Variants in CSMD3 observed in about 807,000 individuals in gnomAD.
CSMD3 encodes CUB and Sushi multiple domains 3.
CSMD3 carries 177 observed loss-of-function variants against 435.2 expected under a neutral mutation model. That is an observed-to-expected ratio of 0.41 (90% CI 0.36 to 0.46). CSMD3 has a LOEUF of 0.46. CSMD3 is among the 20% of genes least tolerant of loss of function. CSMD3 has a pLI of 0.34. For synonymous variants in CSMD3, 1,656 were observed against 1,520.5 expected (o/e 1.09, Z -2.07); for missense variants, 4,265 against 4,504.6 (o/e 0.95, Z 1.52).
Position 112,879,920 on chromosome 8 carries a change from G to C in CSMD3, c.1634-20654C>G, listed in dbSNP as rs188305227. Among the ~76,000 whole-genome samples the C allele has an allele frequency of 8.1e-4, 123 of 152,048 alleles. 1 individual carries two copies. Among genetic ancestry groups the C allele is most frequent in the African/African-American group, 2.7e-3 (110 of 41,482 alleles). ...GAACATCACACACCTGGGCCTGTTGGGGGGTGGAGGGTTAGGGGAGGCATA... is the reference window on the plus strand; with the variant it reads ...GAACATCACACACCTGGGCCTGTTGCGGGGTGGAGGGTTAGGGGAGGCATA... On this transcript the variant is annotated intron_variant, in intron 10 of 70. Coordinates refer to ENST00000297405, the MANE Select transcript of CSMD3 (RefSeq NM_198123.2).
chr8:113,064,463 T>C (rs1034640975), intron 5 of CSMD3, among the ~76,000 whole-genome samples: 1 of 152,258 alleles, frequency 6.6e-6, no homozygotes, highest in African/African-American at 2.4e-5. Flanking sequence ...TATGCAAAAC[T>C]TGGGGTTTTT....
chr8:113,395,668 G>T (rs1475409274), intron 1 of CSMD3, among the ~76,000 whole-genome samples: 2 of 151,412 alleles, frequency 1.3e-5, no homozygotes, highest in South Asian at 4.2e-4. Flanking sequence ...GATATATGAA[G>T]GAAAGTATTT....
chr8:113,180,912 C>T (rs2092413548), intron 3 of CSMD3, among the ~76,000 whole-genome samples: 1 of 151,970 alleles, frequency 6.6e-6, no homozygotes, highest in Admixed American at 6.6e-5. Flanking sequence ...CACTGGGATG[C>T]TGGAGATGTT....
At chr8:112,339,304 T>C (rs1824873112) in intron 42 of CSMD3, among the ~76,000 whole-genome samples, 2 of 152,046 alleles carry the variant, frequency 1.3e-5, no homozygotes, top group African/African-American at 4.8e-5. Flanking sequence ...GTGATCTTTG[T>C]AACTTCACTT....
chr8:112,501,240 T>A (rs1468401459), intron 30 of CSMD3, among the ~76,000 whole-genome samples: 5 of 151,614 alleles, frequency 3.3e-5, no homozygotes, highest in Non-Finnish European at 7.4e-5. Context: ...TAATATAGAG[T>A]AATAATTCAG....
intron 4 of CSMD3, among the ~76,000 whole-genome samples, chr8:113,156,357 T>G (rs2091928347): frequency 1.3e-5 from 2 of 152,102 alleles, no homozygotes; most frequent in Non-Finnish European, 1.5e-5. Flanking sequence ...TATAGAATTT[T>G]TCCTTTATAT....
At chr8:112,605,774 CT>C (rs1832745213) in intron 22 of CSMD3, among the ~76,000 whole-genome samples, 1 of 152,146 alleles carries the variant, frequency 6.6e-6, no homozygotes, top group Admixed American at 6.5e-5. Context: ...CATGTACCCC[CT>C]GAACCTAAAA....
intron 1 of CSMD3, among the ~76,000 whole-genome samples, chr8:113,321,023 T>C (rs2093945871): frequency 6.6e-6 from 1 of 152,092 alleles, no homozygotes; most frequent in South Asian, 2.1e-4. Context: ...TCTTTGTTTT[T>C]CTATTCTAAA....
intron 3 of CSMD3, among the ~76,000 whole-genome samples, chr8:113,228,042 GGGGTT>G: frequency 6.6e-6 from 1 of 151,360 alleles, no homozygotes; most frequent in Non-Finnish European, 1.5e-5. Flanking sequence ...ACAATAAATT[GGGGTT>G]ATCATGTTAT....
At chr8:112,833,770 A>G (rs2079945950) in intron 11 of CSMD3, among the ~76,000 whole-genome samples, 1 of 151,750 alleles carries the variant, frequency 6.6e-6, no homozygotes, top group Non-Finnish European at 1.5e-5. Context: ...TTTCTTGTGA[A>G]CTAATAATGA....
rs2076456831 is a variant in CSMD3 at position 112,704,485 on chromosome 8, A to C, written c.1973-14435T>G. Among the ~76,000 whole-genome samples, 2 of 152,142 alleles carry C rather than the reference A, an allele frequency of 1.3e-5. 1 individual carries two copies. Among genetic ancestry groups the C allele is most frequent in the South Asian group, 4.1e-4 (2 of 4,830 alleles). Reference sequence around the variant, plus strand: ...ACAGGATGGCTAGAAGACCTGCACGAAATGTCTGTGGACAGACAAGGAGTT... The same window carrying C: ...ACAGGATGGCTAGAAGACCTGCACGCAATGTCTGTGGACAGACAAGGAGTT... On this transcript the variant is annotated intron_variant, in intron 13 of 70. Coordinates refer to ENST00000297405, the MANE Select transcript of CSMD3 (RefSeq NM_198123.2).
At chr8:112,918,485 C>T (rs77025182) in intron 10 of CSMD3, among the ~76,000 whole-genome samples, 5,122 of 151,688 alleles carry the variant, frequency 0.034, 149 homozygotes, top group Middle Eastern at 0.051. Flanking sequence ...TAAATGTTTC[C>T]GCATTATCAA....
In CSMD3 at chr8:113,153,130, A is replaced by AGAAGGAAGGAAGGAAGGAAGGAAGGAAG. The variant is rs35232074; in HGVS notation, c.709+20564_709+20591dup. Among the ~76,000 whole-genome samples, 521 of 82,634 alleles carry AGAAGGAAGGAAGGAAGGAAGGAAGGAAG rather than the reference A, an allele frequency of 6.3e-3. 2 individuals are homozygous for AGAAGGAAGGAAGGAAGGAAGGAAGGAAG. Among genetic ancestry groups the AGAAGGAAGGAAGGAAGGAAGGAAGGAAG allele is most frequent in the Middle Eastern group, 0.013 (2 of 152 alleles). 54.2% of individuals were successfully genotyped at this position (82,634 alleles called of 152,430 possible). On this transcript the variant is annotated intron_variant, in intron 4 of 70. Coordinates refer to ENST00000297405, the MANE Select transcript of CSMD3 (RefSeq NM_198123.2). ...GAAAGAAAGAAAGAAAGAAAGAGAA[A>AGAAGGAAGGAAGGAAGGAAGGAAGGAAG]GAAGGAAGGAAGGAAGGAAGGAAGG...
At chr8:112,994,664 G>T (rs952227412) in intron 6 of CSMD3, among the ~76,000 whole-genome samples, 1 of 151,398 alleles carries the variant, frequency 6.6e-6, no homozygotes, top group African/African-American at 2.4e-5. Context: ...TCATGGATTT[G>T]TCTCCAAGTC....
At chr8:112,364,343 T>C (rs1030594871) in intron 38 of CSMD3, among the ~76,000 whole-genome samples, 26 of 151,806 alleles carry the variant, frequency 1.7e-4, no homozygotes, top group Non-Finnish European at 1.9e-4. Context: ...AGAAAATCTA[T>C]TCATTATGGT....
At chr8:113,113,757 G>C (rs916835329) in intron 4 of CSMD3, among the ~76,000 whole-genome samples, 9 of 152,278 alleles carry the variant, frequency 5.9e-5, no homozygotes, top group Admixed American at 1.3e-4. Context: ...TAGAGTTTCT[G>C]AGAGTCTTCT....
At chr8:113,410,384 T>C (rs969187431) in intron 1 of CSMD3, among the ~76,000 whole-genome samples, 15 of 152,156 alleles carry the variant, frequency 9.9e-5, no homozygotes, top group African/African-American at 2.7e-4. Flanking sequence ...TAAAGAGTTA[T>C]TTATCCAGGA....
chr8:112,380,805 A>G (rs1297762487), intron 37 of CSMD3, among the ~76,000 whole-genome samples: 1 of 152,204 alleles, frequency 6.6e-6, no homozygotes, highest in East Asian at 1.9e-4. Context: ...ATAATAAACA[A>G]TAAATACATA....
intron 1 of CSMD3, among the ~76,000 whole-genome samples, chr8:113,399,735 G>C (rs1042567810): frequency 1.3e-5 from 2 of 151,840 alleles, no homozygotes; most frequent in Non-Finnish European, 2.9e-5. Flanking sequence ...TTTAAAATTA[G>C]ATTGTGGAGA....
Sources: allele counts gnomAD v4.1 joint callset (sites outside exome capture counted in the v4.1 genomes callset), GRCh38; gene constraint gnomAD v4.1.1; transcripts MANE v1.5; gene names NCBI Gene and HGNC (gene_info 2026-07-23, HGNC 2026-07-21).